The following ADAM28 variants were observed in gnomAD, a reference collection of about 807,000 sequenced individuals.
ADAM28 encodes disintegrin and metalloproteinase domain-containing protein 28.
ADAM28 carries 105 observed loss-of-function variants against 101.2 expected under a neutral mutation model. The ratio of observed to expected loss-of-function variants is 1.04; its 90% confidence interval spans 0.89 to 1.22. The LOEUF (loss-of-function observed/expected upper bound fraction) is 1.22, where lower values mean the gene tolerates loss of function less well. Among genes scored for constraint, ADAM28 ranks in the 50% most tolerant of loss-of-function variants. The pLI, the probability that ADAM28 is intolerant of heterozygous loss-of-function variation, is 0.00. For missense variants in ADAM28, 1,028 were observed against 945.4 expected (o/e 1.09, Z -1.15); for synonymous variants, 322 against 310.6 (o/e 1.04, Z -0.39).
chr8:24,324,724 G>A (rs1219789428), intron 9 of ADAM28, among the ~76,000 whole-genome samples: 2 of 151,958 alleles, frequency 1.3e-5, no homozygotes, highest in Admixed American at 1.3e-4. Flanking sequence ...TAATTGGTGT[G>A]TGGGCTCATC....
rs149405408 is a variant in ADAM28, at chr8:24,333,002, T to C, written c.1371+253T>C. Among the ~76,000 whole-genome samples, 12 of 152,306 alleles carry C rather than the reference T, an allele frequency of 7.9e-5. No individual in the cohort carries two copies. The East Asian group carries it at 2.1e-3, about 27-fold the overall frequency. Reference sequence around the variant, plus strand: ...AGAGTAGAAAATGAACAAAATAATATGGCCACTATTTGCTACAGCCTGGAT... The same window carrying C: ...AGAGTAGAAAATGAACAAAATAATACGGCCACTATTTGCTACAGCCTGGAT... On this transcript the variant is annotated intron_variant, in intron 13 of 22. Transcript: ENST00000265769.
intron 2 of ADAM28, 103 bp downstream of exon 2, chr8:24,300,180 ATGTT>A: frequency 1.1e-5 from 10 of 923,940 alleles, no homozygotes; most frequent in African/African-American, 1.7e-5. Context: ...TTATACATGT[ATGTT>A]TATATATGTG....
intron 14 of ADAM28, among the ~76,000 whole-genome samples, chr8:24,339,014 T>G (rs1814435948): frequency 6.6e-6 from 1 of 151,998 alleles, no homozygotes; most frequent in African/African-American, 2.4e-5. Context: ...ATATATATGT[T>G]CACATAAATA....
chr8:24,301,281 G>C (rs1808720389), intron 2 of ADAM28, among the ~76,000 whole-genome samples: 1 of 152,122 alleles, frequency 6.6e-6, no homozygotes, highest in Non-Finnish European at 1.5e-5. Flanking sequence ...GAACCCAAAA[G>C]CATAGGATTC....
chr8:24,316,058 G>A (rs1025347198), intron 6 of ADAM28, among the ~76,000 whole-genome samples: 10 of 146,844 alleles, frequency 6.8e-5, no homozygotes, highest in African/African-American at 1.8e-4. Flanking sequence ...ACATCATAAA[G>A]GCCATTTATT....
At chr8:24,309,851 A>G (rs772621497) in intron 2 of ADAM28, 43 bp from the exon 3 acceptor site, 6 of 1,355,996 alleles carry the variant, frequency 4.4e-6, no homozygotes, top group Admixed American at 3.6e-5. Flanking sequence ...TAGTCAAATG[A>G]ATATGTTTTT....
chr8:24,350,924 T>A (rs1487234209), intron 19 of ADAM28, among the ~76,000 whole-genome samples: 1 of 151,886 alleles, frequency 6.6e-6, no homozygotes, highest in Non-Finnish European at 1.5e-5. Flanking sequence ...TTACTCATGA[T>A]GAGTTTTTTA....
chr8:24,294,858 A>T (rs982980692), intron 1 of ADAM28, among the ~76,000 whole-genome samples: 2 of 152,246 alleles, frequency 1.3e-5, no homozygotes, highest in Non-Finnish European at 1.5e-5. Context: ...TATGTCTAGC[A>T]AGTCTCTCAA....
chr8:24,294,375 A>C (rs944003951), intron 1 of ADAM28, among the ~76,000 whole-genome samples, 180 bp downstream of exon 1: 1 of 152,202 alleles, frequency 6.6e-6, no homozygotes, highest in African/African-American at 2.4e-5. Context: ...TGATACAAAG[A>C]CAATGTTAAA....
chr8:24,320,869 A>G (rs1293669429), intron 7 of ADAM28, among the ~76,000 whole-genome samples: 1 of 151,990 alleles, frequency 6.6e-6, no homozygotes, highest in African/African-American at 2.4e-5. Flanking sequence ...TACTGTGCTT[A>G]ATTCATGTAC....
At chr8:24,332,964 G>A (rs1813550335) in intron 13 of ADAM28, among the ~76,000 whole-genome samples, 1 of 151,880 alleles carries the variant, frequency 6.6e-6, no homozygotes, top group South Asian at 2.1e-4. Flanking sequence ...TTTTGTTTTT[G>A]AGAAAAAAAT....
intron 18 of ADAM28, among the ~76,000 whole-genome samples, chr8:24,348,747 C>G (rs975012385): frequency 6.6e-6 from 1 of 152,140 alleles, no homozygotes; most frequent in Non-Finnish European, 1.5e-5. Flanking sequence ...GCAAACCTTC[C>G]GTTGTTATAC....
At position 24,353,769 on chromosome 8, in the gene ADAM28, G is replaced by C; in HGVS notation, c.2245-1G>C. On this transcript the variant is annotated splice_acceptor_variant, in intron 21 of 22. Transcript: ENST00000265769. LOFTEE classifies it high-confidence loss of function. The stretch of plus-strand genomic sequence containing the variant: ...TACCATTGTTTTTATAATTAACGTA[G>C]CATAAAGACACAAACGCACTTCCCC... 6.7e-7 allele frequency: 1 copy of C among 1,487,996 alleles called. No individual in the cohort carries two copies. The highest frequency in any genetic ancestry group is 9.4e-7 in the Non-Finnish European group (1 of 1,066,074). The allele number at this position is 1,487,996 out of a possible 1,614,324, so 92.2% of individuals were successfully genotyped here.
chr8:24,297,474 C>T (rs10092026), intron 1 of ADAM28, among the ~76,000 whole-genome samples: 3,631 of 152,184 alleles, frequency 0.024, 156 homozygotes, highest in African/African-American at 0.081. Context: ...AAATCGGGAA[C>T]GTAGCTATTA....
In ADAM28 at chr8:24,335,405, G is replaced by A. The variant is rs183285611; in HGVS notation, c.1372-41G>A. On this transcript the variant is annotated intron_variant, in intron 13 of 22. Coordinates refer to ENST00000265769, the MANE Select transcript of ADAM28 (RefSeq NM_014265.6). ...AATTTGAGGTATTAGGGTAAAGCAGGTAGGGAGAATAAAAAGCCTTCTATT... is the reference window on the plus strand; with the variant it reads ...AATTTGAGGTATTAGGGTAAAGCAGATAGGGAGAATAAAAAGCCTTCTATT... 1,028 of 1,552,312 alleles carry A rather than the reference G, an allele frequency of 6.6e-4. 2 individuals are homozygous for A. The highest frequency in any genetic ancestry group is 3.3e-3 in the Middle Eastern group (19 of 5,732).
chr8:24,327,011 C>T (rs979156116), intron 10 of ADAM28, among the ~76,000 whole-genome samples: 2 of 152,084 alleles, frequency 1.3e-5, no homozygotes, highest in Non-Finnish European at 2.9e-5. Flanking sequence ...TTTCTCACCA[C>T]TCCTATTTAA....
Position 24,299,993 on chromosome 8 carries a change from C to A in ADAM28, c.66C>A (p.Leu22=). ...TCTCAGTAAGTGCTATAAAAGAACT[C>A]CCTGGGGTGAAGAAGTATGAAGTGG... ...LSVAVSAIKE[L]PGVKKYEVVY... The change falls in exon 2 of 23, where the codon CTC becomes CTA. Residue 22 remains leucine (L), a synonymous_variant. Transcript: ENST00000265769. 4 of 1,612,656 alleles carry A rather than the reference C, an allele frequency of 2.5e-6. No homozygotes were observed. Among genetic ancestry groups the A allele is most frequent in the Non-Finnish European group, 3.4e-6 (4 of 1,179,846 alleles).
At position 24,351,266 on chromosome 8, in the gene ADAM28, CAG is replaced by C; in HGVS notation, c.2136_2137del (p.Lys713GlufsTer23). 1 of 1,610,564 alleles carries C rather than the reference CAG, an allele frequency of 6.2e-7. No homozygotes were observed. Among genetic ancestry groups the C allele is most frequent in the Non-Finnish European group, 8.5e-7 (1 of 1,178,516 alleles). ...TACCACTGGCACCAGGCCACACAAA[CAG>C]AAGAGGAAACCCCAGATGGTAAAGG... Reference protein sequence around the residue: ...LSTTGTRPHKQKRKPQMVKAV... With the variant: ...LSTTGTRPHKXKRKPQMVKAV... On this transcript the variant is annotated frameshift_variant, in exon 20 of 23. Transcript: ENST00000265769. LOFTEE classifies it high-confidence loss of function.
At chr8:24,346,521 G>A (rs1815417330) in intron 18 of ADAM28, among the ~76,000 whole-genome samples, 1 of 152,012 alleles carries the variant, frequency 6.6e-6, no homozygotes. Context: ...CTCAGAAAAG[G>A]GGTTTATAGG....
Sources: gnomAD v4.1 joint callset for allele counts (sites outside exome capture counted in the v4.1 genomes callset) on GRCh38, gnomAD v4.1.1 for gene constraint, MANE v1.5 for transcripts, NCBI Gene and HGNC (gene_info 2026-07-23, HGNC 2026-07-21) for gene names.